The following LYPD8 variants were observed in gnomAD, a reference collection of about 807,000 sequenced individuals.
LYPD8 encodes the protein LY6/PLAUR domain containing 8.
A neutral mutation model predicts 1.7 loss-of-function variants in LYPD8; 8 were observed. That is an observed-to-expected ratio of 4.58 (90% CI 2.69 to 8.27). The LOEUF is 8.27. LYPD8 is among the 30% of genes most tolerant of loss of function. The pLI is 0.00. For synonymous variants in LYPD8, 50 were observed against 43.6 expected, an observed-to-expected ratio of 1.15 and a Z score of -0.58; for missense variants, 112 against 102.3, an observed-to-expected ratio of 1.09 and a Z score of -0.41.
At chr1:248,754,742 C>T (rs1662895481) in intron 2 of LYPD8, among the ~76,000 whole-genome samples, 1 of 152,092 alleles carries the variant, frequency 6.6e-6, no homozygotes, top group African/African-American at 2.4e-5. Flanking sequence ...TGCCAATGAC[C>T]CCACCATTTA....
intron 4 of LYPD8, 46 bp from the exon 5 acceptor site, chr1:248,748,499 G>T (rs1428701494): frequency 2.5e-6 from 1 of 400,224 alleles, no homozygotes; most frequent in Admixed American, 4.4e-5. Context: ...TAAGGAGGAG[G>T]TGTGGGGAGG....
intron 6 of LYPD8, among the ~76,000 whole-genome samples, chr1:248,740,830 T>C (rs1553283263): frequency 6.6e-6 from 1 of 151,940 alleles, no homozygotes; most frequent in African/African-American, 2.4e-5. Flanking sequence ...GGGCTGCAAT[T>C]TGAGTTCAAG....
At chr1:248,753,006 ACAT>A (rs1662843588) in intron 2 of LYPD8, among the ~76,000 whole-genome samples, 1 of 65,802 alleles carries the variant, frequency 1.5e-5, no homozygotes, top group South Asian at 5.9e-4. Flanking sequence ...CAAACACACC[ACAT>A]CATACACACA....
intron 2 of LYPD8, among the ~76,000 whole-genome samples, chr1:248,752,488 A>C (rs928048190): frequency 8.0e-5 from 12 of 150,176 alleles, no homozygotes; most frequent in African/African-American, 3.0e-4. Flanking sequence ...ACACACATGC[A>C]CATCACCCCC....
In LYPD8 at chr1:248,743,623, C is replaced by T. The variant is rs555544028; in HGVS notation, c.475+1519G>A. 8.5e-5 allele frequency among the ~76,000 whole-genome samples: 13 copies of T among 152,188 alleles called. 1 individual carries two copies. The South Asian group carries it at 2.7e-3, about 32-fold the overall frequency. On this transcript the variant is annotated intron_variant, in intron 6 of 6. Coordinates refer to ENST00000590317, the MANE Select transcript of LYPD8 (RefSeq NM_001085474.2). Reference sequence around the variant, plus strand: ...CAAACTGTACCTGGATACTAGTGCTCTTAAACTCTTACGCTTTTGAGCCAC... The same window carrying T: ...CAAACTGTACCTGGATACTAGTGCTTTTAAACTCTTACGCTTTTGAGCCAC...
rs1306010955 is a variant in LYPD8 at position 248,739,534 on chromosome 1, G to T, written c.*77C>A. 1.1e-5 allele frequency: 17 copies of T among 1,537,014 alleles called. No homozygotes were observed. The highest frequency in any genetic ancestry group is 4.0e-5 in the Admixed American group (2 of 50,446). On this transcript the variant is annotated 3_prime_UTR_variant, in exon 7 of 7. Transcript: ENST00000590317. The surrounding 1 kb of genome is among the most constrained non-coding windows in gnomAD (Gnocchi z 4.3). ...AAACGGGGCAGAGCAGGGAAAGAGG[G>T]TGTCAGCACCGCAGGGGGTGCTCTG... is the stretch of plus-strand genomic sequence containing the variant.
intron 4 of LYPD8, among the ~76,000 whole-genome samples, 151 bp downstream of exon 4, chr1:248,750,373 C>A (rs994949483): frequency 4.6e-5 from 7 of 152,152 alleles, no homozygotes; most frequent in African/African-American, 1.7e-4. Context: ...CTCAGCCAAG[C>A]GTTGTTTCTC....
At chr1:248,752,115 T>G (rs1662810157) in intron 2 of LYPD8, among the ~76,000 whole-genome samples, 1 of 152,100 alleles carries the variant, frequency 6.6e-6, no homozygotes, top group Non-Finnish European at 1.5e-5. Flanking sequence ...TATTTATGAT[T>G]CTTCGAGGGT....
rs928014810 is a variant in LYPD8 at position 248,745,027 on chromosome 1, T to A, written c.475+115A>T. 129 of 393,792 alleles carry A rather than the reference T, an allele frequency of 3.3e-4. 1 individual carries two copies. The highest frequency in any genetic ancestry group is 2.3e-3 in the African/African-American group (112 of 48,610). 24.4% of individuals were successfully genotyped at this position (393,792 alleles called of 1,614,324 possible). ...GTATTTAAAGACATTATGGCCCTTA[T>A]CCCCCTTGTCCCACGACTCCCCTGG... On this transcript the variant is annotated intron_variant, in intron 6 of 6. Coordinates refer to ENST00000590317, the MANE Select transcript of LYPD8 (RefSeq NM_001085474.2).
At chr1:248,752,800 C>T (rs1429804391) in intron 2 of LYPD8, among the ~76,000 whole-genome samples, 3 of 111,978 alleles carry the variant, frequency 2.7e-5, no homozygotes, top group Non-Finnish European at 5.5e-5. Flanking sequence ...ACACACCACA[C>T]CCCACAACAC....
At chr1:248,748,737 G>C (rs1662752373) in intron 4 of LYPD8, among the ~76,000 whole-genome samples, 1 of 152,154 alleles carries the variant, frequency 6.6e-6, no homozygotes, top group African/African-American at 2.4e-5. Context: ...AGTCCCTGAA[G>C]CCTTCAATAA....
At chr1:248,750,860 A>G (rs967590921) in intron 3 of LYPD8, among the ~76,000 whole-genome samples, 170 bp downstream of exon 3, 66 of 152,310 alleles carry the variant, frequency 4.3e-4, no homozygotes, top group African/African-American at 1.4e-3. Flanking sequence ...TCCAACCTTC[A>G]ACAACAATAC....
intron 2 of LYPD8, among the ~76,000 whole-genome samples, chr1:248,754,032 CCA>C (rs1406754715): frequency 6.9e-6 from 1 of 145,958 alleles, no homozygotes; most frequent in Admixed American, 7.0e-5. Context: ...ACACCACACA[CCA>C]CACATCACAT....
intron 2 of LYPD8, among the ~76,000 whole-genome samples, chr1:248,754,823 C>G (rs1662897000): frequency 6.6e-6 from 1 of 152,128 alleles, no homozygotes; most frequent in Non-Finnish European, 1.5e-5. Flanking sequence ...CCCCTCACCC[C>G]TCCAGGCCCG....
rs62652287 is a variant in LYPD8 at position 248,745,207 on chromosome 1, T to C, written c.410A>G (p.His137Arg). The C allele has an allele frequency of 0.95, 380,367 of 398,444 alleles. 183,508 individuals are homozygous for C. Among genetic ancestry groups the C allele is most frequent in the East Asian group, 1 (28,077 of 28,078 alleles). 24.7% of individuals were successfully genotyped at this position (398,444 alleles called of 1,614,324 possible). ...ACYESNGTSC[H>R]GKPWKCYEEE... is the part of the protein sequence containing the mutation. ...TTCATAGCATTTCCAGGGCTTCCCA[T>C]GACAGGAAGTTCCATTAGATTCATA... is the stretch of plus-strand genomic sequence containing the variant. The change falls in exon 6 of 7, where the codon CAT (histidine) becomes CGT (arginine). Residue 137 changes from histidine to arginine, a missense_variant. Transcript: ENST00000590317.
At chr1:248,745,371 C>T (rs935166176) in intron 5 of LYPD8, 92 bp from the exon 6 acceptor site, 24 of 395,420 alleles carry the variant, frequency 6.1e-5, no homozygotes, top group Middle Eastern at 6.3e-4. Context: ...CCAAAGAGAT[C>T]GGAGAACGGA....
At chr1:248,753,648 ATCACACAC>A (rs1662873564) in intron 2 of LYPD8, among the ~76,000 whole-genome samples, 3 of 105,942 alleles carry the variant, frequency 2.8e-5, no homozygotes, top group Admixed American at 9.0e-5. Flanking sequence ...ACACATATAC[ATCACACAC>A]CACACACCCC....
At chr1:248,748,507 A>C (rs925692782) in intron 4 of LYPD8, 54 bp from the exon 5 acceptor site, 1 of 399,868 alleles carries the variant, frequency 2.5e-6, no homozygotes, top group Non-Finnish European at 4.4e-6. Context: ...AGGTGTGGGG[A>C]GGGTGGAGAC....
chr1:248,751,669 G>T (rs1004098815), intron 2 of LYPD8, among the ~76,000 whole-genome samples: 40 of 152,248 alleles, frequency 2.6e-4, no homozygotes, highest in Non-Finnish European at 5.0e-4. Flanking sequence ...ATTATTATTA[G>T]CATCCTAAGA....
Sources: gnomAD v4.1 joint callset for allele counts (sites outside exome capture counted in the v4.1 genomes callset) on GRCh38, gnomAD v4.1.1 for gene constraint, Gnocchi (gnomAD v3.1) non-coding constraint, MANE v1.5 for transcripts, NCBI Gene and HGNC (gene_info 2026-07-23, HGNC 2026-07-21) for gene names.